The following DCDC1 variants were observed in gnomAD, a reference collection of about 807,000 sequenced individuals.
DCDC1 encodes the protein doublecortin domain-containing protein 1.
A neutral mutation model predicts 178.3 loss-of-function variants in DCDC1; 200 were observed. The observed-to-expected ratio is 1.12, with a 90% confidence interval of 1.00 to 1.26. DCDC1 has a LOEUF of 1.26. Among genes scored for constraint, DCDC1 ranks in the 50% most tolerant of loss-of-function variants. The pLI is 0.00. For synonymous variants in DCDC1, 690 were observed against 604.8 expected, an observed-to-expected ratio of 1.14 and a Z score of -2.07; for missense variants, 1,983 against 1,749.2, an observed-to-expected ratio of 1.13 and a Z score of -2.38.
intron 9 of DCDC1, among the ~76,000 whole-genome samples, chr11:31,153,116 T>C (rs1965349764): frequency 6.6e-6 from 1 of 152,206 alleles, no homozygotes; most frequent in South Asian, 2.1e-4. Flanking sequence ...TGAGCTCTAA[T>C]GTAAGACAAA....
intron 9 of DCDC1, among the ~76,000 whole-genome samples, chr11:31,234,646 A>C (rs547475203): frequency 1.3e-5 from 2 of 152,238 alleles, no homozygotes; most frequent in East Asian, 3.9e-4. Context: ...TAGTTCTTCA[A>C]GGAAAAAAAA....
At chr11:31,253,265 C>T (rs1460210796) in intron 8 of DCDC1, among the ~76,000 whole-genome samples, 8 of 151,932 alleles carry the variant, frequency 5.3e-5, no homozygotes, top group African/African-American at 1.9e-4. Flanking sequence ...ATAACATAGA[C>T]TATTCTTACT....
Position 31,217,956 on chromosome 11 carries a change from T to C in DCDC1, c.1221+23494A>G, listed in dbSNP as rs538532821. The stretch of plus-strand genomic sequence containing the variant: ...AGTGTGTCCAATCTGTTTTGGCTAT[T>C]GGCTATTGTTTGAAAATCTATGCTA... On this transcript the variant is annotated intron_variant, in intron 9 of 38. Coordinates refer to ENST00000684477, the MANE Select transcript of DCDC1 (RefSeq NM_001387274.1). Among the ~76,000 whole-genome samples the C allele has an allele frequency of 4.6e-5, 7 of 152,284 alleles. No homozygotes were observed. In the South Asian group the frequency reaches 1.4e-3, roughly 32 times the overall value.
chr11:30,866,824 C>T (rs545504241), intron 38 of DCDC1, among the ~76,000 whole-genome samples: 5 of 152,196 alleles, frequency 3.3e-5, no homozygotes, highest in Middle Eastern at 6.8e-3. Flanking sequence ...AATGCAACAA[C>T]GTTGGGAAGT....
chr11:30,995,767 CA>C (rs907996883), intron 20 of DCDC1, among the ~76,000 whole-genome samples: 1 of 151,874 alleles, frequency 6.6e-6, no homozygotes, highest in African/African-American at 2.4e-5. Flanking sequence ...ATACCTTATA[CA>C]AAAAAAGTAA....
At chr11:31,163,939 T>C (rs1966541315) in intron 9 of DCDC1, among the ~76,000 whole-genome samples, 1 of 152,204 alleles carries the variant, frequency 6.6e-6, no homozygotes, top group African/African-American at 2.4e-5. Context: ...CTTTTTTAGA[T>C]AGTCCTTTTC....
At chr11:31,275,253 A>G (rs1017636258) in intron 7 of DCDC1, among the ~76,000 whole-genome samples, 27 of 152,220 alleles carry the variant, frequency 1.8e-4, no homozygotes, top group Non-Finnish European at 5.9e-5. Context: ...GCTGTAAAGT[A>G]TGCATAATTC....
At position 31,064,567 on chromosome 11, in the gene DCDC1, G is replaced by A. The variant is rs2135485815; in HGVS notation, c.2493C>T (p.Thr831=). Residue 831 remains threonine, a synonymous_variant, in exon 20 of 39, where the codon ACC becomes ACT. Transcript: ENST00000684477. ...CAAGAGAACCTTCTGGCATTAAATG[G>A]GTGTCTGAGGGTTCTGGCAGTTGCT... The part of the protein sequence containing the change: ...GLKQLPEPSD[T]HLMPEGSLEE... 1.3e-6 allele frequency: 1 copy of A among 765,962 alleles called. No homozygotes were observed. Among genetic ancestry groups the A allele is most frequent in the East Asian group, 2.4e-5 (1 of 41,226 alleles). The allele number at this position is 765,962 out of a possible 1,614,324, so 47.4% of individuals were successfully genotyped here.
At chr11:31,161,874 G>A (rs540538734) in intron 9 of DCDC1, among the ~76,000 whole-genome samples, 2 of 152,154 alleles carry the variant, frequency 1.3e-5, no homozygotes, top group South Asian at 4.2e-4. Flanking sequence ...GCACCATAAT[G>A]GAATATCAAT....
chr11:31,056,226 G>T (rs1206777320), intron 20 of DCDC1, among the ~76,000 whole-genome samples: 1 of 151,792 alleles, frequency 6.6e-6, no homozygotes, highest in Admixed American at 6.6e-5. Flanking sequence ...ATAATTGGGA[G>T]AAAGGAAATT....
intron 9 of DCDC1, among the ~76,000 whole-genome samples, chr11:31,197,336 A>T (rs1970808630): frequency 6.6e-6 from 1 of 152,182 alleles, no homozygotes; most frequent in Non-Finnish European, 1.5e-5. Flanking sequence ...GTATAACTAA[A>T]TATACAAATA....
intron 1 of DCDC1, among the ~76,000 whole-genome samples, chr11:31,362,693 T>C (rs112453172): frequency 7.2e-5 from 11 of 152,182 alleles, no homozygotes; most frequent in African/African-American, 2.7e-4. Context: ...ATGGTGCTTC[T>C]ACAGTAGATT....
intron 18 of DCDC1, among the ~76,000 whole-genome samples, chr11:31,072,975 T>C (rs1956659819): frequency 6.6e-6 from 1 of 152,152 alleles, no homozygotes; most frequent in South Asian, 2.1e-4. Flanking sequence ...AAGCAGCAAT[T>C]CTGCCTTTTT....
intron 9 of DCDC1, among the ~76,000 whole-genome samples, chr11:31,198,040 A>C (rs1970885470): frequency 6.6e-6 from 1 of 151,652 alleles, no homozygotes; most frequent in South Asian, 2.1e-4. Context: ...TATTTTATGA[A>C]GTATAGAGTT....
At chr11:31,105,483 A>G (rs1591061833) in intron 13 of DCDC1, among the ~76,000 whole-genome samples, 1 of 151,934 alleles carries the variant, frequency 6.6e-6, no homozygotes, top group African/African-American at 2.4e-5. Flanking sequence ...ATTAAAGCCT[A>G]TCCTTGTAAT....
rs751504657 is a variant in DCDC1, at chr11:31,102,231, C to G, written c.1929G>C (p.Gln643His). Reference sequence around the variant, plus strand: ...CCACCTTTTCAAACTGGTCAGGTATCTGTTGACTGGTACAGTTGAAATTAA... The same window carrying G: ...CCACCTTTTCAAACTGGTCAGGTATGTGTTGACTGGTACAGTTGAAATTAA... ...FPINFNCTSQ[Q>H]IPDQFEKVDL... Residue 643 changes from glutamine (Q) to histidine (H), a missense_variant, in exon 15 of 39, where the codon CAG becomes CAC. Physicochemically the swap from Gln to His is conservative, Grantham distance 24. Transcript: ENST00000684477. 1 of 741,684 alleles carries G rather than the reference C, an allele frequency of 1.3e-6. No homozygotes were observed. The highest frequency in any genetic ancestry group is 1.4e-5 in the South Asian group (1 of 70,036). The allele number at this position is 741,684 out of a possible 1,614,324, so 45.9% of individuals were successfully genotyped here.
intron 20 of DCDC1, among the ~76,000 whole-genome samples, chr11:31,036,065 T>G (rs1253148811): frequency 6.6e-6 from 1 of 152,312 alleles, no homozygotes; most frequent in African/African-American, 2.4e-5. Context: ...AATTCCTAGC[T>G]TTTTGGGACC....
At chr11:31,213,100 C>CGTGTCTCTCT (rs1972851664) in intron 9 of DCDC1, among the ~76,000 whole-genome samples, 1 of 44,242 alleles carries the variant, frequency 2.3e-5, no homozygotes, top group African/African-American at 8.5e-5. Flanking sequence ...TAAAGCCCAG[C>CGTGTCTCTCT]CTCTCTCTCT....
intron 20 of DCDC1, among the ~76,000 whole-genome samples, chr11:31,019,038 G>A (rs1207945488): frequency 6.6e-6 from 1 of 152,122 alleles, no homozygotes. Flanking sequence ...GAAAATCATG[G>A]ATTTTCTATA....
Sources: gnomAD v4.1 joint callset for allele counts (sites outside exome capture counted in the v4.1 genomes callset) on GRCh38, gnomAD v4.1.1 for gene constraint, MANE v1.5 for transcripts, NCBI Gene and HGNC (gene_info 2026-07-23, HGNC 2026-07-21) for gene names.